Variants in NKAIN2 observed in about 807,000 individuals in gnomAD.
NKAIN2 encodes the protein sodium/potassium transporting ATPase interacting 2, also known as sodium/potassium-transporting ATPase subunit beta-1-interacting protein 2.
In NKAIN2, 14 loss-of-function variants were observed where a neutral mutation model predicts 32.6. The observed-to-expected ratio is 0.43, with a 90% confidence interval of 0.28 to 0.67. NKAIN2 has a LOEUF of 0.67. Ranked by LOEUF, NKAIN2 falls within the 30% of genes least tolerant of loss-of-function variation. The pLI is 0.17. For synonymous variants in NKAIN2, 80 were observed against 87.2 expected (o/e 0.92, Z 0.46); for missense variants, 198 against 258.3 (o/e 0.77, Z 1.60).
chr6:123,995,717 AT>A (rs1351804888), intron 1 of NKAIN2, among the ~76,000 whole-genome samples: 1 of 152,162 alleles, frequency 6.6e-6, no homozygotes, highest in Non-Finnish European at 1.5e-5. Flanking sequence ...ATTTTTGTAA[AT>A]TTCAGAAAGA....
At chr6:124,599,257 G>A (rs1233449398) in intron 3 of NKAIN2, among the ~76,000 whole-genome samples, 1 of 151,174 alleles carries the variant, frequency 6.6e-6, no homozygotes, top group Non-Finnish European at 1.5e-5. Flanking sequence ...CAAAAAAAAA[G>A]CAATAAGATA....
intron 1 of NKAIN2, among the ~76,000 whole-genome samples, chr6:124,090,374 G>A (rs928075401): frequency 1.3e-5 from 2 of 151,980 alleles, no homozygotes; most frequent in African/African-American, 4.8e-5. Flanking sequence ...TTGACATGTG[G>A]GTTGGCGGTG....
intron 1 of NKAIN2, among the ~76,000 whole-genome samples, chr6:123,869,419 C>G (rs547780683): frequency 6.6e-6 from 1 of 152,142 alleles, no homozygotes; most frequent in Non-Finnish European, 1.5e-5. Context: ...ATACTCCCTT[C>G]AAGAGCTCTC....
At chr6:124,229,481 AAGATAGAT>A (rs1392477690) in intron 1 of NKAIN2, among the ~76,000 whole-genome samples, 1 of 132,110 alleles carries the variant, frequency 7.6e-6, no homozygotes, top group African/African-American at 2.7e-5. Flanking sequence ...AGTATTTTCA[AAGATAGAT>A]AGATAGATAG....
At chr6:124,333,231 CAATATT>C (rs1176232219) in intron 2 of NKAIN2, among the ~76,000 whole-genome samples, 1 of 152,170 alleles carries the variant, frequency 6.6e-6, no homozygotes, top group Non-Finnish European at 1.5e-5. Context: ...TCAAAAACCT[CAATATT>C]AACATATTCA....
chr6:124,773,379 C>T (rs1298103524), intron 4 of NKAIN2, among the ~76,000 whole-genome samples: 2 of 151,882 alleles, frequency 1.3e-5, no homozygotes, highest in African/African-American at 4.8e-5. Context: ...TTTCTTTTTT[C>T]CTGCGGGGAA....
At position 124,426,947 on chromosome 6, in the gene NKAIN2, G is replaced by C. The variant is rs551693345; in HGVS notation, c.273+71600G>C. Among the ~76,000 whole-genome samples the C allele has an allele frequency of 2.0e-5, 3 of 152,214 alleles. No homozygotes were observed. The South Asian group carries it at 6.2e-4, about 32-fold the overall frequency. On this transcript the variant is annotated intron_variant, in intron 3 of 6. Coordinates refer to ENST00000368417, the MANE Select transcript of NKAIN2 (RefSeq NM_001040214.3). ...CCACCATGATTATGAGGCCTCCCCA[G>C]CCATGTAGAACTGTGAGTCCATTAA...
At chr6:124,776,646 C>T (rs1778995504) in intron 4 of NKAIN2, among the ~76,000 whole-genome samples, 1 of 152,168 alleles carries the variant, frequency 6.6e-6, no homozygotes, top group African/African-American at 2.4e-5. Flanking sequence ...GTCTTGTATT[C>T]ATCCACACTT....
intron 1 of NKAIN2, among the ~76,000 whole-genome samples, chr6:124,132,569 C>T (rs974493478): frequency 1.3e-5 from 2 of 152,222 alleles, no homozygotes; most frequent in Non-Finnish European, 2.9e-5. Context: ...ACAGTTAATA[C>T]CACTGCCTAC....
chr6:124,548,409 G>A (rs1780171262), intron 3 of NKAIN2, among the ~76,000 whole-genome samples: 2 of 152,162 alleles, frequency 1.3e-5, no homozygotes, highest in Non-Finnish European at 2.9e-5. Flanking sequence ...TTTTGCAATG[G>A]CATATAAAAT....
chr6:124,259,285 C>T lies in NKAIN2; in HGVS notation c.55-23720C>T, dbSNP rs538226797. Among the ~76,000 whole-genome samples, 5 of 152,170 alleles carry T rather than the reference C, an allele frequency of 3.3e-5. No individual in the cohort carries two copies. The South Asian group carries it at 8.3e-4, about 25-fold the overall frequency. On this transcript the variant is annotated intron_variant, in intron 1 of 6. Transcript: ENST00000368417. ...AAGAATACAAGTACATGTGAGTAAA[C>T]AGAAAGCAGAGAGGGGTACAGAAAC... is the stretch of plus-strand genomic sequence containing the variant.
At chr6:124,741,054 G>A (rs1006937166) in intron 4 of NKAIN2, among the ~76,000 whole-genome samples, 14 of 151,706 alleles carry the variant, frequency 9.2e-5, no homozygotes, top group African/African-American at 3.4e-4. Context: ...CAAAAGAAGT[G>A]TATGAGAAAG....
At chr6:124,781,820 C>T (rs1349024806) in intron 4 of NKAIN2, among the ~76,000 whole-genome samples, 4 of 152,158 alleles carry the variant, frequency 2.6e-5, no homozygotes, top group Non-Finnish European at 5.9e-5. Context: ...TACTGCTACA[C>T]ATGGATAGAC....
chr6:124,352,584 T>C (rs1798782225), intron 2 of NKAIN2, among the ~76,000 whole-genome samples: 1 of 152,084 alleles, frequency 6.6e-6, no homozygotes, highest in Non-Finnish European at 1.5e-5. Flanking sequence ...TTTCATTAGC[T>C]CATCAGCCAT....
chr6:124,400,439 TTCTA>T (rs1773577590), intron 3 of NKAIN2, among the ~76,000 whole-genome samples: 1 of 152,010 alleles, frequency 6.6e-6, no homozygotes, highest in South Asian at 2.1e-4. Flanking sequence ...AGGAACTGGA[TTCTA>T]TCTATATATT....
chr6:124,738,455 T>G (rs1777054383), intron 4 of NKAIN2, among the ~76,000 whole-genome samples: 1 of 151,950 alleles, frequency 6.6e-6, no homozygotes, highest in Admixed American at 6.6e-5. Flanking sequence ...ATTATAACAT[T>G]TGCTTGAAAA....
chr6:124,707,999 A>G (rs1775194696), intron 4 of NKAIN2, among the ~76,000 whole-genome samples: 1 of 148,354 alleles, frequency 6.7e-6, no homozygotes, highest in African/African-American at 2.5e-5. Context: ...TCTTTAATCC[A>G]TCTTGAATTG....
intron 1 of NKAIN2, among the ~76,000 whole-genome samples, chr6:124,068,393 T>C (rs1783290424): frequency 6.6e-6 from 1 of 152,088 alleles, no homozygotes; most frequent in Admixed American, 6.6e-5. Context: ...CCAATGATTA[T>C]ATGACTTTTT....
intron 4 of NKAIN2, among the ~76,000 whole-genome samples, chr6:124,736,188 A>C: frequency 6.6e-6 from 1 of 151,984 alleles, no homozygotes; most frequent in East Asian, 1.9e-4. Flanking sequence ...GGATAGATCA[A>C]AACAGCCACA....
Sources: gnomAD v4.1 joint callset for allele counts (sites outside exome capture counted in the v4.1 genomes callset) on GRCh38, gnomAD v4.1.1 for gene constraint, MANE v1.5 for transcripts, NCBI Gene and HGNC (gene_info 2026-07-23, HGNC 2026-07-21) for gene names.